MLIP: variants seen among roughly 807,000 people sequenced by gnomAD.
MLIP encodes muscular LMNA interacting protein.
MLIP carries 79 observed loss-of-function variants against 84.8 expected under a neutral mutation model. That is an observed-to-expected ratio of 0.93 (90% CI 0.78 to 1.12). MLIP has a LOEUF of 1.12. MLIP is among the 50% of genes most tolerant of loss of function. MLIP has a pLI of 0.00. For synonymous variants in MLIP, 504 were observed against 463.0 expected (o/e 1.09, Z -1.14); for missense variants, 1,257 against 1,160.6 (o/e 1.08, Z -1.21).
At chr6:54,206,946 A>C (rs1012642603) in intron 11 of MLIP, among the ~76,000 whole-genome samples, 1 of 152,242 alleles carries the variant, frequency 6.6e-6, no homozygotes, top group African/African-American at 2.4e-5. Flanking sequence ...TCATAAAATC[A>C]TCTTTTATAA....
chr6:54,158,598 A>G (rs1183809327), intron 5 of MLIP, among the ~76,000 whole-genome samples: 1 of 152,098 alleles, frequency 6.6e-6, no homozygotes, highest in Non-Finnish European at 1.5e-5. Flanking sequence ...CAATTTAAAA[A>G]TGGATTAAAA....
chr6:54,023,884 T>G (rs1763651823), intron 1 of MLIP, among the ~76,000 whole-genome samples: 1 of 152,130 alleles, frequency 6.6e-6, no homozygotes, highest in Non-Finnish European at 1.5e-5. Context: ...CCACTTATTT[T>G]TAAATACAGC....
chr6:54,250,105 T>C (rs1782365101), intron 12 of MLIP, among the ~76,000 whole-genome samples: 1 of 151,894 alleles, frequency 6.6e-6, no homozygotes, highest in South Asian at 2.1e-4. Flanking sequence ...AATCACATGA[T>C]AAAAAGCCCA....
intron 11 of MLIP, among the ~76,000 whole-genome samples, chr6:54,228,577 G>A (rs962525454): frequency 8.2e-6 from 1 of 122,608 alleles, no homozygotes; most frequent in African/African-American, 2.6e-5. Flanking sequence ...ATTGGCAAAA[G>A]TGAACTTAGA....
intron 12 of MLIP, among the ~76,000 whole-genome samples, chr6:54,232,429 T>C (rs1781070712): frequency 6.6e-6 from 1 of 152,186 alleles, no homozygotes; most frequent in African/African-American, 2.4e-5. Flanking sequence ...ACAACTATTT[T>C]CAGTCCACAT....
At chr6:54,104,355 G>C (rs1768862723) in intron 1 of MLIP, among the ~76,000 whole-genome samples, 2 of 152,200 alleles carry the variant, frequency 1.3e-5, no homozygotes, top group African/African-American at 4.8e-5. Flanking sequence ...GTTAGAATTT[G>C]TTTCCTTTAT....
intron 10 of MLIP, among the ~76,000 whole-genome samples, chr6:54,198,570 T>C (rs1029927371): frequency 6.6e-6 from 1 of 152,116 alleles, no homozygotes; most frequent in Admixed American, 6.6e-5. Flanking sequence ...TGTGGTATAA[T>C]TCCTGAGGGG....
chr6:54,238,352 G>C (rs962017524), intron 12 of MLIP, among the ~76,000 whole-genome samples: 1 of 152,000 alleles, frequency 6.6e-6, no homozygotes, highest in Non-Finnish European at 1.5e-5. Context: ...AATTTCCAAG[G>C]TAAACCTCTC....
intron 1 of MLIP, among the ~76,000 whole-genome samples, chr6:54,087,084 C>G (rs1043751253): frequency 6.6e-6 from 1 of 152,178 alleles, no homozygotes; most frequent in African/African-American, 2.4e-5. Flanking sequence ...TCCCCAGGAT[C>G]TAGGATAACA....
chr6:54,266,262 G>C lies in MLIP; in HGVS notation c.*307G>C, dbSNP rs1163936076. 2 of 294,102 alleles carry C rather than the reference G, an allele frequency of 6.8e-6. No individual in the cohort carries two copies. The highest frequency in any genetic ancestry group is 2.2e-5 in the African/African-American group (1 of 46,162). 18.2% of individuals were successfully genotyped at this position (294,102 alleles called of 1,614,324 possible). On this transcript the variant is annotated 3_prime_UTR_variant, in exon 14 of 14. Coordinates refer to ENST00000502396, the MANE Select transcript of MLIP (RefSeq NM_001281747.2). ...CTATATTTGGCAGCCAAATAAAGAA[G>C]AATCGTGGGTAAATAGAAGAATGGC...
At chr6:54,245,805 A>T (rs1373660413) in intron 12 of MLIP, among the ~76,000 whole-genome samples, 4 of 152,074 alleles carry the variant, frequency 2.6e-5, no homozygotes, top group Non-Finnish European at 4.4e-5. Flanking sequence ...GTATTTTGTG[A>T]TCCTTTTACT....
In MLIP at chr6:54,124,689, G is replaced by T. The variant is rs775408677; in HGVS notation, c.469G>T (p.Val157Phe). 1.9e-6 allele frequency: 3 copies of T among 1,614,068 alleles called. No individual in the cohort carries two copies. Among genetic ancestry groups the T allele is most frequent in the Non-Finnish European group, 2.5e-6 (3 of 1,180,032 alleles). ...EGEDEAASRK[V>F]EQGPPGGIGT... ...GGAAGATGAGGCTGCAAGCAGAAAA[G>T]TTGAACAAGGCCCCCCAGGGGGGAT... Residue 157 changes from valine (V) to phenylalanine (F), a missense_variant, in exon 3 of 14, where the codon GTT becomes TTT. Transcript: ENST00000502396.
intron 1 of MLIP, among the ~76,000 whole-genome samples, chr6:54,051,169 ATATTTG>A (rs752649017): frequency 6.6e-6 from 1 of 151,432 alleles, no homozygotes; most frequent in Non-Finnish European, 1.5e-5. Context: ...ACTAGTATAA[ATATTTG>A]TATATTATAA....
At chr6:54,212,041 A>T (rs1038771086) in intron 11 of MLIP, among the ~76,000 whole-genome samples, 2 of 152,190 alleles carry the variant, frequency 1.3e-5, no homozygotes, top group Non-Finnish European at 2.9e-5. Flanking sequence ...ATATTGTCCC[A>T]TGTAGCTTCT....
Position 54,111,510 on chromosome 6 carries a change from T to G in MLIP, c.31T>G (p.Cys11Gly). 6.5e-7 allele frequency: 1 copy of G among 1,536,082 alleles called. No homozygotes were observed. The highest frequency in any genetic ancestry group is 8.7e-7 in the Non-Finnish European group (1 of 1,146,856). Reference sequence around the variant, plus strand: ...TTCAGAACAGGGGCTTCTGAGTGACTGCGGGAACAATTACTTCCAAATGAC... The same window carrying G: ...TTCAGAACAGGGGCTTCTGAGTGACGGCGGGAACAATTACTTCCAAATGAC... The part of the protein sequence containing the change: MLSEQGLLSD[C>G]GNNYFQMTSC... Residue 11 changes from cysteine to glycine, a missense_variant, in exon 1 of 14, where the codon TGC becomes GGC. Transcript: ENST00000502396.
At chr6:54,227,835 G>C (rs1385167876) in intron 11 of MLIP, among the ~76,000 whole-genome samples, 1 of 152,114 alleles carries the variant, frequency 6.6e-6, no homozygotes, top group Non-Finnish European at 1.5e-5. Context: ...AGCTCCTTTA[G>C]GGTCCAGTCA....
At chr6:54,198,008 T>TTTAATA (rs1778417200) in intron 10 of MLIP, among the ~76,000 whole-genome samples, 2 of 152,208 alleles carry the variant, frequency 1.3e-5, no homozygotes, top group South Asian at 2.1e-4. Flanking sequence ...CATAGTCTGT[T>TTTAATA]TTAAAGCCTC....
intron 3 of MLIP, among the ~76,000 whole-genome samples, chr6:54,127,905 T>C (rs181879251): frequency 6.6e-6 from 1 of 152,286 alleles, no homozygotes; most frequent in East Asian, 1.9e-4. Context: ...CATGTAAAAG[T>C]CTAAGAATTT....
At chr6:54,245,077 C>A (rs2150848496) in intron 12 of MLIP, among the ~76,000 whole-genome samples, 1 of 152,232 alleles carries the variant, frequency 6.6e-6, no homozygotes, top group South Asian at 2.1e-4. Flanking sequence ...AACTGCCATC[C>A]ATTTGCACCT....
Sources: gnomAD v4.1 joint callset for allele counts (sites outside exome capture counted in the v4.1 genomes callset) on GRCh38, gnomAD v4.1.1 for gene constraint, MANE v1.5 for transcripts, NCBI Gene and HGNC (gene_info 2026-07-23, HGNC 2026-07-21) for gene names.